KALRN: variants seen among roughly 807,000 people sequenced by gnomAD.
KALRN encodes kalirin.
In KALRN, 70 loss-of-function variants were observed where a neutral mutation model predicts 353.7. That is an observed-to-expected ratio of 0.20 (90% CI 0.16 to 0.24). KALRN has a LOEUF of 0.24. Ranked by LOEUF, KALRN falls within the 10% of genes least tolerant of loss-of-function variation. The probability of loss-of-function intolerance (pLI) is 1.00; values close to 1 mark genes in which losing one functional copy is unlikely to be tolerated. For synonymous variants in KALRN, 1,391 were observed against 1,434.8 expected, an observed-to-expected ratio of 0.97 and a Z score of 0.69; for missense variants, 2,791 against 3,756.7, an observed-to-expected ratio of 0.74 and a Z score of 6.72.
intron 34 of KALRN, among the ~76,000 whole-genome samples, chr3:124,572,439 G>T (rs906718845): frequency 6.6e-6 from 1 of 151,928 alleles, no homozygotes; most frequent in Admixed American, 6.5e-5. Flanking sequence ...CCTTAAAAGG[G>T]TACTGGCAAA....
intron 15 of KALRN, among the ~76,000 whole-genome samples, chr3:124,426,827 C>A (rs9818944): frequency 1.3e-5 from 2 of 152,154 alleles, no homozygotes; most frequent in African/African-American, 4.8e-5. Flanking sequence ...ATCTATTAGA[C>A]AATTCAGAAA....
At chr3:124,550,785 C>G (rs552167889) in intron 33 of KALRN, among the ~76,000 whole-genome samples, 1 of 152,014 alleles carries the variant, frequency 6.6e-6, no homozygotes, top group Non-Finnish European at 1.5e-5. Context: ...GTCAGGAGAT[C>G]GAGACCACCC....
At chr3:124,143,385 G>C (rs1210554779) in intron 1 of KALRN, among the ~76,000 whole-genome samples, 1 of 152,216 alleles carries the variant, frequency 6.6e-6, no homozygotes, top group African/African-American at 2.4e-5. Context: ...TGGGGCTTTA[G>C]GGTTGGGAAC....
chr3:124,695,515 C>T (rs2062011909), intron 53 of KALRN, among the ~76,000 whole-genome samples: 1 of 152,128 alleles, frequency 6.6e-6, no homozygotes, highest in African/African-American at 2.4e-5. Flanking sequence ...ATGAAAAGCG[C>T]CAGGGGATAT....
intron 1 of KALRN, among the ~76,000 whole-genome samples, chr3:124,196,038 G>A (rs2075392096): frequency 6.6e-6 from 1 of 152,138 alleles, no homozygotes; most frequent in South Asian, 2.1e-4. Flanking sequence ...AAATGGGAAA[G>A]GATTAGGGTG....
intron 1 of KALRN, among the ~76,000 whole-genome samples, chr3:124,143,975 G>A (rs1323954994): frequency 6.6e-6 from 1 of 152,084 alleles, no homozygotes; most frequent in Admixed American, 6.6e-5. Flanking sequence ...TCTCTTTTGG[G>A]GCCAGAGGGA....
intron 34 of KALRN, among the ~76,000 whole-genome samples, chr3:124,624,580 C>T (rs951815185): frequency 6.6e-5 from 10 of 152,184 alleles, no homozygotes; most frequent in Non-Finnish European, 1.0e-4. Flanking sequence ...ATAACATCAA[C>T]GTGCTTATTC....
intron 1 of KALRN, among the ~76,000 whole-genome samples, chr3:124,219,365 C>T (rs1258277103): frequency 6.6e-6 from 1 of 152,136 alleles, no homozygotes; most frequent in Admixed American, 6.5e-5. Flanking sequence ...GGAAGCTGTC[C>T]AGCTCACTAT....
chr3:124,523,910 A>G (rs2067365617), intron 33 of KALRN, among the ~76,000 whole-genome samples: 2 of 152,184 alleles, frequency 1.3e-5, no homozygotes, highest in Non-Finnish European at 2.9e-5. Flanking sequence ...TTAGAAGCTT[A>G]ATTTCTAAAT....
chr3:124,206,284 C>T (rs907161729), intron 1 of KALRN, among the ~76,000 whole-genome samples: 4 of 152,104 alleles, frequency 2.6e-5, no homozygotes, highest in Non-Finnish European at 5.9e-5. Context: ...CACTTTGCAC[C>T]CAGCCATCCG....
At chr3:124,614,754 T>A (rs574572016) in intron 34 of KALRN, among the ~76,000 whole-genome samples, 6 of 152,116 alleles carry the variant, frequency 3.9e-5, no homozygotes, top group Non-Finnish European at 5.9e-5. Context: ...TTTATTTTGG[T>A]AGGGACAGGG....
At chr3:124,141,782 A>G (rs2066655461) in intron 1 of KALRN, among the ~76,000 whole-genome samples, 2 of 151,944 alleles carry the variant, frequency 1.3e-5, no homozygotes, top group African/African-American at 2.4e-5. Flanking sequence ...AATCCTGGCT[A>G]TTTTTCAGCC....
chr3:124,502,759 C>A (rs1440504754), intron 33 of KALRN, among the ~76,000 whole-genome samples: 4 of 152,142 alleles, frequency 2.6e-5, no homozygotes, highest in Non-Finnish European at 1.5e-5. Context: ...CAGCAACATG[C>A]CCCCTAGAGT....
chr3:124,145,408 G>A (rs980006055), intron 1 of KALRN, among the ~76,000 whole-genome samples: 1 of 152,198 alleles, frequency 6.6e-6, no homozygotes, highest in African/African-American at 2.4e-5. Flanking sequence ...AAAAGTCTCT[G>A]GGTCTGAGAT....
At chr3:124,176,358 C>T (rs1189983035) in intron 1 of KALRN, among the ~76,000 whole-genome samples, 1 of 152,114 alleles carries the variant, frequency 6.6e-6, no homozygotes, top group Non-Finnish European at 1.5e-5. Context: ...CGCAGATTAC[C>T]CACATGGTGA....
intron 33 of KALRN, among the ~76,000 whole-genome samples, chr3:124,523,936 A>C (rs903444458): frequency 2.6e-5 from 4 of 152,196 alleles, no homozygotes; most frequent in Non-Finnish European, 4.4e-5. Flanking sequence ...CTCATCTGTC[A>C]CCCAATACAT....
chr3:124,098,427 G>T (rs1252505451), intron 1 of KALRN, among the ~76,000 whole-genome samples: 2 of 152,100 alleles, frequency 1.3e-5, no homozygotes, highest in Admixed American at 6.6e-5. Flanking sequence ...TGGCATCCCT[G>T]CCTGGGCCTC....
intron 33 of KALRN, among the ~76,000 whole-genome samples, chr3:124,536,588 T>TA (rs1185546947): frequency 6.6e-6 from 1 of 152,228 alleles, no homozygotes; most frequent in Non-Finnish European, 1.5e-5. Flanking sequence ...ATTGTGTACT[T>TA]ACTTTGTACA....
At chr3:124,448,648 A>G (rs2058476511) in intron 21 of KALRN, among the ~76,000 whole-genome samples, 1 of 151,912 alleles carries the variant, frequency 6.6e-6, no homozygotes, top group South Asian at 2.1e-4. Context: ...CTCCTCCTCT[A>G]TGATCCTTCC....
Sources: gnomAD v4.1 joint callset for allele counts (sites outside exome capture counted in the v4.1 genomes callset) on GRCh38, gnomAD v4.1.1 for gene constraint, MANE v1.5 for transcripts, NCBI Gene and HGNC (gene_info 2026-07-23, HGNC 2026-07-21) for gene names.